The following HEATR5B variants were observed in gnomAD, a reference collection of about 807,000 sequenced individuals.
HEATR5B encodes HEAT repeat containing 5B, also known as HEAT repeat-containing protein 5B.
A neutral mutation model predicts 224.1 loss-of-function variants in HEATR5B; 156 were observed. The observed-to-expected ratio is 0.70, with a 90% CI of 0.61 to 0.80. HEATR5B has a LOEUF of 0.80. Among genes scored for constraint, HEATR5B ranks in the 30% least tolerant of loss-of-function variants. The pLI, the probability that HEATR5B is intolerant of heterozygous loss-of-function variation, is 0.00. For missense variants in HEATR5B, 2,323 were observed against 2,535.5 expected (o/e 0.92, Z 1.80); for synonymous variants, 1,027 against 893.0 (o/e 1.15, Z -2.68).
In HEATR5B at chr2:37,003,603, T is replaced by A. The variant is rs1177645134; in HGVS notation, c.4989A>T (p.Gly1663=). The change falls in exon 31 of 36, where the codon GGA becomes GGT. Residue 1663 remains glycine, a synonymous_variant. Coordinates refer to ENST00000233099, the MANE Select transcript of HEATR5B (RefSeq NM_019024.3). The stretch of plus-strand genomic sequence containing the variant: ...CAGCTCTTACTATCTGTTGTACAAC[T>A]CCAGTAACCAACAGCTGGACAGATG... ...NPSSVQLLVT[G]VVQQIVRAAQ... 6.2e-7 allele frequency: 1 copy of A among 1,612,106 alleles called. No individual in the cohort carries two copies. Among genetic ancestry groups the A allele is most frequent in the South Asian group, 1.1e-5 (1 of 91,004 alleles).
intron 16 of HEATR5B, among the ~76,000 whole-genome samples, chr2:37,055,597 A>T (rs1196460934): frequency 3.3e-5 from 5 of 152,342 alleles, no homozygotes; most frequent in African/African-American, 1.2e-4. Context: ...AAAAGCAATT[A>T]ATCAAGCAAC....
At chr2:37,044,026 A>G (rs1670036036) in intron 18 of HEATR5B, among the ~76,000 whole-genome samples, 1 of 152,208 alleles carries the variant, frequency 6.6e-6, no homozygotes, top group Non-Finnish European at 1.5e-5. Flanking sequence ...ATTTAACTCA[A>G]TATATCCAAA....
intron 18 of HEATR5B, among the ~76,000 whole-genome samples, chr2:37,044,539 T>C (rs1233025484): frequency 6.6e-6 from 1 of 152,250 alleles, no homozygotes; most frequent in Non-Finnish European, 1.5e-5. Context: ...TTCCAGTTTT[T>C]GGCTCTCATA....
chr2:36,984,508 G>A (rs1307619276), intron 35 of HEATR5B, among the ~76,000 whole-genome samples: 1 of 151,376 alleles, frequency 6.6e-6, no homozygotes, highest in African/African-American at 2.4e-5. Context: ...TTCTATGAAG[G>A]GTAAAATCGG....
At chr2:37,057,501 T>A in intron 14 of HEATR5B, 21 bp from the exon 15 acceptor site, 2 of 1,566,262 alleles carry the variant, frequency 1.3e-6, no homozygotes, top group Non-Finnish European at 1.7e-6. Flanking sequence ...GAACTTCAGA[T>A]CAGATTAAAA....
chr2:37,036,660 C>T (rs2540996), intron 21 of HEATR5B, among the ~76,000 whole-genome samples: 143,609 of 152,018 alleles, frequency 0.94, 67,934 homozygotes, highest in East Asian at 1. Flanking sequence ...TATAGGCACC[C>T]GCCACCACCC....
rs770963289 is a variant in HEATR5B, at chr2:37,068,934, TAA to T, written c.928-6_928-5del. On this transcript the variant is annotated splice_polypyrimidine_tract_variant and splice_region_variant and intron_variant, in intron 7 of 35. Transcript: ENST00000233099. ...TTGTCACAAAAACAACATACGCCTGTAAAAAGAGGAAGGTACGACTTCAGATA... is the reference window on the plus strand; with the variant it reads ...TTGTCACAAAAACAACATACGCCTGTAAAGAGGAAGGTACGACTTCAGATA... 3.1e-6 allele frequency: 5 copies of T among 1,607,390 alleles called. No homozygotes were observed. The highest frequency in any genetic ancestry group is 4.3e-6 in the Non-Finnish European group (5 of 1,174,984).
chr2:37,000,917 T>G (rs1216645776), intron 32 of HEATR5B, 104 bp from the exon 33 acceptor site: 3 of 729,578 alleles, frequency 4.1e-6, no homozygotes, highest in Non-Finnish European at 6.7e-6. Flanking sequence ...TTAATATTGT[T>G]TTTTTCCTTG....
chr2:37,019,941 T>A, intron 25 of HEATR5B, 64 bp from the exon 26 acceptor site: 1 of 1,194,540 alleles, frequency 8.4e-7, no homozygotes, highest in Non-Finnish European at 1.2e-6. Flanking sequence ...TCTTACTCTA[T>A]CACCCAGGCT....
chr2:37,069,900 C>CTTTTTTT (rs11372186), intron 7 of HEATR5B, among the ~76,000 whole-genome samples: 1 of 140,380 alleles, frequency 7.1e-6, no homozygotes, highest in Admixed American at 7.2e-5. Context: ...TGAACAAAAT[C>CTTTTTTT]TTTTTTTTTT....
intron 18 of HEATR5B, among the ~76,000 whole-genome samples, chr2:37,043,809 T>C (rs1292206204): frequency 1.3e-5 from 2 of 152,164 alleles, no homozygotes; most frequent in African/African-American, 4.8e-5. Flanking sequence ...TATCTTTTCA[T>C]CCTATTATTT....
At chr2:37,003,833 T>G (rs1462071054) in intron 30 of HEATR5B, 147 bp from the exon 31 acceptor site, 1 of 497,044 alleles carries the variant, frequency 2.0e-6, no homozygotes, top group Non-Finnish European at 3.4e-6. Flanking sequence ...ATAAGAACAT[T>G]GTAAAAATCT....
rs1217602304 is a variant in HEATR5B, at chr2:36,984,237, T to TATATATATATATATATATATAA, written c.5912-2444_5912-2443insTTATATATATATATATATATAT. On this transcript the variant is annotated intron_variant, in intron 35 of 35. Coordinates refer to ENST00000233099, the MANE Select transcript of HEATR5B (RefSeq NM_019024.3). ...AAAAATATATATATATATATATATA[T>TATATATATATATATATATATAA]AAAACTGGAAAAAATATAAGTTATT... is the stretch of plus-strand genomic sequence containing the variant. Among the ~76,000 whole-genome samples the TATATATATATATATATATATAA allele has an allele frequency of 4.0e-4, 45 of 111,936 alleles. 1 individual carries two copies. Among genetic ancestry groups the TATATATATATATATATATATAA allele is most frequent in the South Asian group, 1.8e-3 (5 of 2,850 alleles). The allele number at this position is 111,936 out of a possible 152,430, so 73.4% of individuals were successfully genotyped here.
chr2:36,993,871 A>G (rs1302972458), intron 33 of HEATR5B, among the ~76,000 whole-genome samples: 9 of 152,318 alleles, frequency 5.9e-5, no homozygotes, highest in South Asian at 4.1e-4. Context: ...AACATTCTAC[A>G]TAATAGATGG....
At position 36,999,247 on chromosome 2, in the gene HEATR5B, A is replaced by G. The variant is rs115625059; in HGVS notation, c.5545+1339T>C. ...AAACAAAAAAACAAAAACACCCGAA[A>G]AAACATAATATCAACATGTAGTTCC... On this transcript the variant is annotated intron_variant, in intron 33 of 35. Transcript: ENST00000233099. 7.2e-3 allele frequency among the ~76,000 whole-genome samples: 1,093 copies of G among 152,176 alleles called. 8 individuals carry two copies. The highest frequency in any genetic ancestry group is 0.025 in the African/African-American group (1,040 of 41,528).
intron 21 of HEATR5B, among the ~76,000 whole-genome samples, chr2:37,037,170 G>C (rs1669546103): frequency 2.7e-5 from 2 of 74,920 alleles, no homozygotes; most frequent in African/African-American, 1.1e-4. Flanking sequence ...TTTGGAGATG[G>C]AGTCTTGCTC....
At chr2:37,017,519 T>C (rs1454304620) in intron 26 of HEATR5B, among the ~76,000 whole-genome samples, 1 of 150,808 alleles carries the variant, frequency 6.6e-6, no homozygotes, top group African/African-American at 2.4e-5. Context: ...ACCCCGTCTC[T>C]ACTAAAAATA....
Position 37,065,704 on chromosome 2 carries a change from T to C in HEATR5B, c.1333+51A>G, listed in dbSNP as rs1401342820. 2.7e-6 allele frequency: 4 copies of C among 1,505,342 alleles called. No individual in the cohort carries two copies. In the South Asian group the frequency reaches 4.6e-5, roughly 17 times the overall value. 93.2% of individuals were successfully genotyped at this position (1,505,342 alleles called of 1,614,324 possible). On this transcript the variant is annotated intron_variant, in intron 9 of 35. Coordinates refer to ENST00000233099, the MANE Select transcript of HEATR5B (RefSeq NM_019024.3). The stretch of plus-strand genomic sequence containing the variant: ...TCAGGAATTAAATATCAATCACACT[T>C]ATGACTGAAAAAAGTGGAAACACAT...
intron 2 of HEATR5B, among the ~76,000 whole-genome samples, chr2:37,080,503 T>C (rs1241255136): frequency 1.3e-5 from 2 of 152,068 alleles, no homozygotes; most frequent in Admixed American, 6.5e-5. Flanking sequence ...GAATACAACA[T>C]GAAATTTGAG....
Sources: gnomAD v4.1 joint callset for allele counts (sites outside exome capture counted in the v4.1 genomes callset) on GRCh38, gnomAD v4.1.1 for gene constraint, MANE v1.5 for transcripts, NCBI Gene and HGNC (gene_info 2026-07-23, HGNC 2026-07-21) for gene names.